CCDC192: variants seen among roughly 807,000 people sequenced by gnomAD.
The protein encoded by CCDC192 is coiled-coil domain-containing protein 192.
intron 6 of CCDC192, among the ~76,000 whole-genome samples, chr5:127,897,020 T>A (rs1752910734): frequency 1.3e-5 from 2 of 152,226 alleles, no homozygotes; most frequent in African/African-American, 4.8e-5. Context: ...CGCTTAAAAC[T>A]GCAGGTCAAC....
At position 127,837,286 on chromosome 5, in the gene CCDC192, T is replaced by G. The variant is rs1750069263; in HGVS notation, c.412-38252T>G. On this transcript the variant is annotated intron_variant, in intron 5 of 6. Transcript: ENST00000514853. ...TGGATAACTTATAAAGAAAACAGGT[T>G]TAATTGACTCACAGTTCTACATGGC... Among the ~76,000 whole-genome samples, 2 of 81,872 alleles carry G rather than the reference T, an allele frequency of 2.4e-5. 1 individual carries two copies. The highest frequency in any genetic ancestry group is 5.8e-5 in the Non-Finnish European group (2 of 34,228). The allele number at this position is 81,872 out of a possible 152,430, so 53.7% of individuals were successfully genotyped here. A position where few individuals can be genotyped will look rare whatever the true frequency, so the allele number is the denominator to read the frequency against.
At chr5:127,740,858 A>C (rs1753372926) in intron 2 of CCDC192, among the ~76,000 whole-genome samples, 1 of 152,188 alleles carries the variant, frequency 6.6e-6, no homozygotes, top group Non-Finnish European at 1.5e-5. Context: ...ACTAAAATTC[A>C]GTTGGAGAAT....
chr5:127,717,928 C>CAAAAAAAAAAAAAAAAAAAAACAAAAAA, intron 2 of CCDC192, among the ~76,000 whole-genome samples: 1 of 98,074 alleles, frequency 1.0e-5, no homozygotes, highest in African/African-American at 3.9e-5. Flanking sequence ...TAAAGCTAGA[C>CAAAAAAAAAAAAAAAAAAAAACAAAAAA]AAAAAAAAAA....
intron 2 of CCDC192, among the ~76,000 whole-genome samples, chr5:127,714,125 T>C (rs1462741684): frequency 2.6e-5 from 4 of 152,078 alleles, no homozygotes; most frequent in East Asian, 1.9e-4. Context: ...ATTTCACTTA[T>C]CATGATGTCC....
chr5:127,900,280 G>A (rs769921774), intron 6 of CCDC192, among the ~76,000 whole-genome samples: 1 of 152,186 alleles, frequency 6.6e-6, no homozygotes, highest in Non-Finnish European at 1.5e-5. Flanking sequence ...TCTTAGAGAT[G>A]CTACAGCTTT....
intron 6 of CCDC192, among the ~76,000 whole-genome samples, chr5:127,900,285 A>G (rs555609050): frequency 1.3e-5 from 2 of 152,332 alleles, no homozygotes; most frequent in African/African-American, 4.8e-5. Context: ...GAGATGCTAC[A>G]GCTTTAAAGC....
At chr5:127,847,428 T>C (rs1475565806) in intron 5 of CCDC192, among the ~76,000 whole-genome samples, 1 of 152,202 alleles carries the variant, frequency 6.6e-6, no homozygotes, top group African/African-American at 2.4e-5. Context: ...GATATAGAAC[T>C]TTATGACAGA....
At chr5:127,783,668 T>TTTG (rs745946001) in intron 3 of CCDC192, among the ~76,000 whole-genome samples, 68 of 152,164 alleles carry the variant, frequency 4.5e-4, no homozygotes, top group African/African-American at 1.4e-3. Flanking sequence ...AAATCCATTG[T>TTTG]TTGTTGTTGT....
chr5:127,826,661 G>A (rs1749547496), intron 5 of CCDC192, among the ~76,000 whole-genome samples: 1 of 146,964 alleles, frequency 6.8e-6, no homozygotes, highest in Non-Finnish European at 1.5e-5. Context: ...GGAGGGAGGG[G>A]GGCAAGGGCT....
At chr5:127,750,747 C>G (rs1217958685) in intron 2 of CCDC192, among the ~76,000 whole-genome samples, 391 of 145,144 alleles carry the variant, frequency 2.7e-3, no homozygotes, top group African/African-American at 9.7e-3. Context: ...GTGTGGGAGT[C>G]TAAGTCTCTT....
intron 6 of CCDC192, among the ~76,000 whole-genome samples, chr5:127,930,156 T>C (rs1017961146): frequency 3.3e-5 from 5 of 152,202 alleles, no homozygotes; most frequent in African/African-American, 1.2e-4. Context: ...TGAGCCGAGA[T>C]TGTGCCACTT....
chr5:127,851,279 C>G (rs1164608523), intron 5 of CCDC192, among the ~76,000 whole-genome samples: 1 of 152,216 alleles, frequency 6.6e-6, no homozygotes, highest in Admixed American at 6.5e-5. Context: ...GCCAATTCAG[C>G]TTCCTACCAC....
chr5:127,892,716 G>T (rs1752766075), intron 6 of CCDC192, among the ~76,000 whole-genome samples: 1 of 152,146 alleles, frequency 6.6e-6, no homozygotes, highest in African/African-American at 2.4e-5. Flanking sequence ...GAATAATTAT[G>T]AATTTAAATA....
chr5:127,735,651 G>C (rs914964242), intron 2 of CCDC192, among the ~76,000 whole-genome samples: 1 of 128,420 alleles, frequency 7.8e-6, no homozygotes, highest in Non-Finnish European at 1.5e-5. Flanking sequence ...CACATCCCTT[G>C]TAAGTTGGAT....
intron 2 of CCDC192, among the ~76,000 whole-genome samples, chr5:127,721,018 G>A (rs1436813880): frequency 2.0e-5 from 3 of 152,210 alleles, no homozygotes; most frequent in African/African-American, 7.2e-5. Context: ...TCTCTGAAAT[G>A]TCTTCGAGGT....
chr5:127,729,839 T>C (rs1752538749), intron 2 of CCDC192, among the ~76,000 whole-genome samples: 1 of 152,060 alleles, frequency 6.6e-6, no homozygotes, highest in Non-Finnish European at 1.5e-5. Flanking sequence ...AAAGAAACAG[T>C]GTACCAGAAT....
intron 6 of CCDC192, among the ~76,000 whole-genome samples, chr5:127,893,949 T>C (rs368286442): frequency 1.3e-5 from 2 of 151,998 alleles, no homozygotes; most frequent in African/African-American, 2.4e-5. Flanking sequence ...AACTAAACTT[T>C]GGGAAAAAAA....
intron 1 of CCDC192, among the ~76,000 whole-genome samples, chr5:127,705,831 A>G (rs1369390187): frequency 2.0e-5 from 3 of 152,190 alleles, no homozygotes; most frequent in Non-Finnish European, 4.4e-5. Flanking sequence ...AGTTTCACTG[A>G]TAGAAGATGA....
intron 2 of CCDC192, among the ~76,000 whole-genome samples, chr5:127,752,341 C>T (rs1685954582): frequency 6.6e-6 from 1 of 152,132 alleles, no homozygotes; most frequent in Non-Finnish European, 1.5e-5. Context: ...AGACAGGACC[C>T]TCAGCTGCAG....
Sources: gnomAD v4.1 joint callset for allele counts (sites outside exome capture counted in the v4.1 genomes callset) on GRCh38, gnomAD v4.1.1 for gene constraint, MANE v1.5 for transcripts, NCBI Gene and HGNC (gene_info 2026-07-23, HGNC 2026-07-21) for gene names.